The following ARHGEF33 variants were observed in gnomAD, a reference collection of about 807,000 sequenced individuals.
The protein encoded by ARHGEF33 is Rho guanine nucleotide exchange factor 33, also known as DH and coiled-coil domain-containing protein ENSP00000381780.
ARHGEF33 carries 72 observed loss-of-function variants against 101.9 expected under a neutral mutation model. That is an observed-to-expected ratio of 0.71 (90% CI 0.58 to 0.86). ARHGEF33 has a LOEUF of 0.86. Among genes scored for constraint, ARHGEF33 ranks in the 40% least tolerant of loss-of-function variants. The pLI is 0.00. For synonymous variants in ARHGEF33, 499 were observed against 442.5 expected (o/e 1.13, Z -1.60); for missense variants, 1,169 against 1,111.3 (o/e 1.05, Z -0.74).
Position 38,929,024 on chromosome 2 carries a change from A to G in ARHGEF33, c.193A>G (p.Met65Val). ...AAAGGTTAAGAGCTGCAGATGTTCC[A>G]TGGAAGAAAAAGTTACTGAGATGAA... Reference protein sequence around the residue: ...EEKVKSCRCSMEEKVTEMKNS... With the variant: ...EEKVKSCRCSVEEKVTEMKNS... Residue 65 changes from methionine to valine, a missense_variant, in exon 5 of 18, where the codon ATG becomes GTG. Transcript: ENST00000409978. The G allele has an allele frequency of 6.4e-7, 1 of 1,551,240 alleles. No individual in the cohort carries two copies. The highest frequency in any genetic ancestry group is 8.7e-7 in the Non-Finnish European group (1 of 1,146,640).
Position 38,973,950 on chromosome 2 carries a change from C to G in ARHGEF33, c.*107C>G, listed in dbSNP as rs935584967. 1.5e-6 allele frequency: 1 copy of G among 652,554 alleles called. No homozygotes were observed. Among genetic ancestry groups the G allele is most frequent in the Non-Finnish European group, 2.0e-6 (1 of 497,992 alleles). 40.4% of individuals were successfully genotyped at this position (652,554 alleles called of 1,614,324 possible). On this transcript the variant is annotated 3_prime_UTR_variant, in exon 18 of 18. Coordinates refer to ENST00000409978, the MANE Select transcript of ARHGEF33 (RefSeq NM_001145451.5). ...TCTATATCTATATATATATATATATCGATGTATAAATCCCTGAGGAAAACT... is the reference window on the plus strand; with the variant it reads ...TCTATATCTATATATATATATATATGGATGTATAAATCCCTGAGGAAAACT...
intron 1 of ARHGEF33, 32 bp downstream of exon 1, chr2:38,890,018 C>A: frequency 2.4e-6 from 1 of 419,602 alleles, no homozygotes; most frequent in South Asian, 1.8e-5. Context: ...CTTTAAGGGG[C>A]ACTGAAAGGG....
At chr2:38,946,720 G>T (rs1667461123) in intron 10 of ARHGEF33, among the ~76,000 whole-genome samples, 1 of 152,092 alleles carries the variant, frequency 6.6e-6, no homozygotes, top group South Asian at 2.1e-4. Context: ...CCACTTCCCG[G>T]GTTCAAGTGA....
At chr2:38,904,464 G>C (rs1428644019) in intron 2 of ARHGEF33, among the ~76,000 whole-genome samples, 18 of 152,102 alleles carry the variant, frequency 1.2e-4, no homozygotes. Flanking sequence ...CCAGCACTTT[G>C]GGTGGCTGAG....
At chr2:38,892,342 C>T (rs1023213064) in intron 1 of ARHGEF33, among the ~76,000 whole-genome samples, 18 of 152,064 alleles carry the variant, frequency 1.2e-4, no homozygotes, top group South Asian at 2.1e-4. Context: ...ATCTCCTCCT[C>T]GTAATTTTCA....
chr2:38,937,653 C>A, intron 9 of ARHGEF33, 94 bp downstream of exon 9: 1 of 766,956 alleles, frequency 1.3e-6, no homozygotes, highest in Non-Finnish European at 2.1e-6. Context: ...CGTTTAGATT[C>A]AGTGGACACA....
intron 16 of ARHGEF33, among the ~76,000 whole-genome samples, chr2:38,960,944 G>A (rs1214638251): frequency 1.3e-5 from 2 of 152,178 alleles, no homozygotes; most frequent in African/African-American, 2.4e-5. Context: ...AGAGAAGCCC[G>A]CCACTCTTTA....
Position 38,960,116 on chromosome 2 carries a change from ATGCCCGCGGCTTCG to A in ARHGEF33, c.1822_1835del (p.Phe608LeufsTer188). On this transcript the variant is annotated frameshift_variant, in exon 16 of 18. Coordinates refer to ENST00000409978, the MANE Select transcript of ARHGEF33 (RefSeq NM_001145451.5). LOFTEE classifies it high-confidence loss of function. ...CGCGCCCCGGCCGAGCTCCTGCCCG[ATGCCCGCGGCTTCG>A]TGCCCGCGGCCTACGAAGAGTTCGA... 6.5e-7 allele frequency: 1 copy of A among 1,542,336 alleles called. No homozygotes were observed. The highest frequency in any genetic ancestry group is 1.2e-5 in the South Asian group (1 of 83,932).
intron 4 of ARHGEF33, 40 bp downstream of exon 4, chr2:38,921,463 A>C: frequency 7.5e-7 from 1 of 1,326,488 alleles, no homozygotes; most frequent in Non-Finnish European, 1.1e-6. Flanking sequence ...CCCATGTATA[A>C]TAGCAATGAC....
At chr2:38,925,893 A>C (rs1056046721) in intron 4 of ARHGEF33, among the ~76,000 whole-genome samples, 3 of 152,188 alleles carry the variant, frequency 2.0e-5, no homozygotes, top group African/African-American at 7.2e-5. Context: ...AAAGGAAGAA[A>C]TGTCCATAAA....
At chr2:38,941,574 G>C (rs1178626114) in intron 9 of ARHGEF33, among the ~76,000 whole-genome samples, 2 of 149,640 alleles carry the variant, frequency 1.3e-5, no homozygotes, top group Non-Finnish European at 3.0e-5. Context: ...TTGAGACGGA[G>C]TCTTGCACTG....
intron 9 of ARHGEF33, among the ~76,000 whole-genome samples, 178 bp from the exon 10 acceptor site, chr2:38,943,723 C>A (rs1005351564): frequency 5.9e-5 from 9 of 152,204 alleles, no homozygotes; most frequent in Admixed American, 5.2e-4. Flanking sequence ...AGACTTCGTG[C>A]CCTTTGCTCT....
intron 2 of ARHGEF33, among the ~76,000 whole-genome samples, chr2:38,904,860 C>T (rs908385062): frequency 7.2e-5 from 11 of 152,178 alleles, no homozygotes; most frequent in Admixed American, 6.5e-4. Context: ...CTCCTAGAGA[C>T]GTTTAGGCAT....
intron 2 of ARHGEF33, among the ~76,000 whole-genome samples, chr2:38,907,849 T>A (rs1666424948): frequency 1.3e-5 from 2 of 151,726 alleles, no homozygotes; most frequent in Admixed American, 1.3e-4. Flanking sequence ...TTGCACAGTG[T>A]CTCTGGGAGG....
intron 7 of ARHGEF33, among the ~76,000 whole-genome samples, chr2:38,934,150 T>C (rs1667071232): frequency 6.6e-6 from 1 of 152,222 alleles, no homozygotes; most frequent in Non-Finnish European, 1.5e-5. Flanking sequence ...GCTTTCATCC[T>C]TACCACTCCT....
intron 9 of ARHGEF33, among the ~76,000 whole-genome samples, chr2:38,943,023 G>A (rs1667352373): frequency 6.6e-6 from 1 of 152,160 alleles, no homozygotes; most frequent in Non-Finnish European, 1.5e-5. Context: ...CGCCTCCTGG[G>A]TTCAAGCAAT....
chr2:38,904,997 C>T (rs1055984049), intron 2 of ARHGEF33, among the ~76,000 whole-genome samples: 2 of 152,060 alleles, frequency 1.3e-5, no homozygotes, highest in Non-Finnish European at 2.9e-5. Context: ...GCGATCATTC[C>T]GAGGTCTTGA....
At chr2:38,941,670 C>A (rs752758403) in intron 9 of ARHGEF33, among the ~76,000 whole-genome samples, 1 of 152,008 alleles carries the variant, frequency 6.6e-6, no homozygotes, top group African/African-American at 2.4e-5. Context: ...GCCTCAGCCT[C>A]CCGAGTAGCT....
At chr2:38,966,288 C>T (rs1371522244) in intron 17 of ARHGEF33, 143 bp downstream of exon 17, 15 of 1,123,074 alleles carry the variant, frequency 1.3e-5, no homozygotes, top group East Asian at 7.9e-5. Context: ...GCCACAGTTC[C>T]GGCGGGGTGA....
Sources: allele counts gnomAD v4.1 joint callset (sites outside exome capture counted in the v4.1 genomes callset), GRCh38; gene constraint gnomAD v4.1.1; transcripts MANE v1.5; gene names NCBI Gene and HGNC (gene_info 2026-07-23, HGNC 2026-07-21).